The following LRRC4B variants were observed in gnomAD, a reference collection of about 807,000 sequenced individuals.
The protein encoded by LRRC4B is leucine rich repeat containing 4B.
Under a neutral mutation model 7.3 loss-of-function variants are expected in LRRC4B, and 1 was observed. The ratio of observed to expected loss-of-function variants is 0.14; its 90% CI spans 0.05 to 0.65. The LOEUF is 0.65. LRRC4B is among the 30% of genes least tolerant of loss of function. The pLI, the probability that LRRC4B is intolerant of heterozygous loss-of-function variation, is 0.84. For missense variants in LRRC4B, 730 were observed against 1,041.6 expected (o/e 0.70, Z 4.12); for synonymous variants, 500 against 499.2 (o/e 1.00, Z -0.02).
rs1446851806 is a variant in LRRC4B at position 50,518,561 on chromosome 19, T to C, written c.1152A>G (p.Lys384=). 2 of 1,590,354 alleles carry C rather than the reference T, an allele frequency of 1.3e-6. No homozygotes were observed. Among genetic ancestry groups the C allele is most frequent in the Admixed American group, 3.4e-5 (2 of 58,518 alleles). ...NVTEGMAAEL[K]CRTGTSMTSV... ...AGGTCATGGAGGTGCCCGTGCGGCA[T>C]TTGAGCTCGGCAGCCATGCCCTCGG... Residue 384 remains lysine (K), a synonymous_variant, in exon 3 of 3, where the codon AAA becomes AAG. Coordinates refer to ENST00000652263, the MANE Select transcript of LRRC4B (RefSeq NM_001080457.2).
Position 50,556,841 on chromosome 19 carries a change from C to G in LRRC4B, c.-35-7968G>C, listed in dbSNP as rs1982292533. On this transcript the variant is annotated intron_variant, in intron 1 of 2. Coordinates refer to ENST00000652263, the MANE Select transcript of LRRC4B (RefSeq NM_001080457.2). This position sits in a 1 kb window ranked among gnomAD's most constrained non-coding sequence, Gnocchi z 4.2. ...CAAGTGTGGGGGTGGGGGAGCCGTC[C>G]GAGGGCTAAGTGAGAGGGCGGGCAC... 6.7e-6 allele frequency among the ~76,000 whole-genome samples: 1 copy of G among 149,712 alleles called. No individual in the cohort carries two copies. Among genetic ancestry groups the G allele is most frequent in the Admixed American group, 6.7e-5 (1 of 15,000 alleles).
At chr19:50,523,176 C>T (rs529796912) in intron 2 of LRRC4B, among the ~76,000 whole-genome samples, 8 of 152,284 alleles carry the variant, frequency 5.3e-5, no homozygotes, top group Admixed American at 1.3e-4. Flanking sequence ...ATGACCACGC[C>T]GGGTGCACTG....
intron 2 of LRRC4B, among the ~76,000 whole-genome samples, chr19:50,531,167 C>T (rs1221823404): frequency 6.6e-6 from 1 of 152,204 alleles, no homozygotes; most frequent in East Asian, 1.9e-4. Flanking sequence ...GCCTGCAGCT[C>T]CCGGAGCCTC....
At chr19:50,525,578 G>GTT (rs1568718983) in intron 2 of LRRC4B, among the ~76,000 whole-genome samples, 1 of 127,662 alleles carries the variant, frequency 7.8e-6, no homozygotes, top group South Asian at 2.4e-4. Flanking sequence ...GCTAATTTTT[G>GTT]TATTTTTTTT....
intron 2 of LRRC4B, among the ~76,000 whole-genome samples, chr19:50,535,751 T>C (rs1981253365): frequency 6.6e-6 from 1 of 152,124 alleles, no homozygotes; most frequent in Non-Finnish European, 1.5e-5. Context: ...GGCCTAGACG[T>C]CCCTGTCTCC....
intron 2 of LRRC4B, among the ~76,000 whole-genome samples, chr19:50,530,376 G>A (rs17662474): frequency 0.14 from 21,377 of 152,150 alleles, 1,627 homozygotes; most frequent in South Asian, 0.16. Context: ...TCGGATACAC[G>A]TTAGCCAGGA....
rs759224937 is a variant in LRRC4B at position 50,518,804 on chromosome 19, G to A, written c.909C>T (p.Leu303=). The A allele has an allele frequency of 6.2e-7, 1 of 1,614,120 alleles. No individual in the cohort carries two copies. Among genetic ancestry groups the A allele is most frequent in the Admixed American group, 1.7e-5 (1 of 60,030 alleles). Residue 303 remains leucine, a synonymous_variant, in exon 3 of 3, where the codon CTC becomes CTT. Transcript: ENST00000652263. The part of the protein sequence containing the change: ...PHDLFTPLHR[L]ERVHLNHNPW... ...GGTTGTGGTTGAGGTGCACGCGCTC[G>A]AGGCGGTGCAGGGGCGTGAAGAGGT... is the stretch of plus-strand genomic sequence containing the variant.
intron 2 of LRRC4B, among the ~76,000 whole-genome samples, chr19:50,547,796 T>G (rs1981877884): frequency 6.6e-6 from 1 of 150,988 alleles, no homozygotes; most frequent in South Asian, 2.1e-4. Flanking sequence ...CACAGCTCTG[T>G]CCCCCCAAGC....
chr19:50,546,577 T>C lies in LRRC4B; in HGVS notation c.297+1965A>G, dbSNP rs533540881. On this transcript the variant is annotated intron_variant, in intron 2 of 2. Transcript: ENST00000652263. ...AGAAATAGAGGCGTCTGGATCCCTA[T>C]TGATGCTTTTCACCCTTTGACAATG... is the stretch of plus-strand genomic sequence containing the variant. Among the ~76,000 whole-genome samples, 6 of 152,104 alleles carry C rather than the reference T, an allele frequency of 3.9e-5. No homozygotes were observed. In the South Asian group the frequency reaches 8.3e-4, roughly 21 times the overall value.
intron 1 of LRRC4B, among the ~76,000 whole-genome samples, chr19:50,561,014 C>T (rs1982444797): frequency 6.6e-6 from 1 of 152,128 alleles, no homozygotes; most frequent in African/African-American, 2.4e-5. Context: ...TCGCTTGAAC[C>T]TGGGAGGTGG....
chr19:50,560,826 C>T (rs530856113), intron 1 of LRRC4B, among the ~76,000 whole-genome samples: 1 of 152,312 alleles, frequency 6.6e-6, no homozygotes, highest in South Asian at 2.1e-4. Flanking sequence ...CAGTGGCTCA[C>T]GCCTGTAATC....
Position 50,519,585 on chromosome 19 carries a change from C to T in LRRC4B, c.298-170G>A, listed in dbSNP as rs1980463365. ...TGATGAGTTTCTTATAAAGTTAAAA[C>T]TGGAGTCAAGGCTGGGTGTGGTGGC... On this transcript the variant is annotated intron_variant, in intron 2 of 2. Transcript: ENST00000652263. The surrounding 1 kb of genome is among the most constrained non-coding windows in gnomAD (Gnocchi z 8.1). Among the ~76,000 whole-genome samples, 2 of 152,126 alleles carry T rather than the reference C, an allele frequency of 1.3e-5. No homozygotes were observed. Among genetic ancestry groups the T allele is most frequent in the African/African-American group, 4.8e-5 (2 of 41,420 alleles).
rs1338800369 is a variant in LRRC4B at position 50,553,884 on chromosome 19, G to A, written c.-35-5011C>T. Among the ~76,000 whole-genome samples, 1 of 151,652 alleles carries A rather than the reference G, an allele frequency of 6.6e-6. No homozygotes were observed. The highest frequency in any genetic ancestry group is 2.4e-5 in the African/African-American group (1 of 41,232). On this transcript the variant is annotated intron_variant, in intron 1 of 2. Coordinates refer to ENST00000652263, the MANE Select transcript of LRRC4B (RefSeq NM_001080457.2). This position sits in a 1 kb window ranked among gnomAD's most constrained non-coding sequence, Gnocchi z 4.2. ...ACCCCCACTCTCCGTTCTGCACACC[G>A]AGCCAGGCCGCACTGCAATAGCTGC... is the stretch of plus-strand genomic sequence containing the variant.
In LRRC4B at chr19:50,563,018, G is replaced by A. The variant is rs1003355248; in HGVS notation, c.-36+4926C>T. Among the ~76,000 whole-genome samples the A allele has an allele frequency of 6.6e-6, 1 of 152,114 alleles. No homozygotes were observed. Among genetic ancestry groups the A allele is most frequent in the Non-Finnish European group, 1.5e-5 (1 of 68,020 alleles). On this transcript the variant is annotated intron_variant, in intron 1 of 2. Transcript: ENST00000652263. The surrounding 1 kb of genome is among the most constrained non-coding windows in gnomAD (Gnocchi z 4.9). ...GCCTCCCAAAGTGTTGAGACGGCGT[G>A]AGCCACCATGCCTGGCCTGTCTCTG...
chr19:50,520,940 G>T (rs1980552633), intron 2 of LRRC4B, among the ~76,000 whole-genome samples: 1 of 152,162 alleles, frequency 6.6e-6, no homozygotes, highest in African/African-American at 2.4e-5. Context: ...GCTTCTATGT[G>T]GGTGTTCACA....
intron 2 of LRRC4B, among the ~76,000 whole-genome samples, chr19:50,526,554 A>G (rs1244720681): frequency 2.0e-5 from 3 of 152,198 alleles, no homozygotes; most frequent in African/African-American, 7.2e-5. Context: ...TGAAAAGGAT[A>G]GACGAAGGAT....
In LRRC4B at chr19:50,548,870, G is replaced by C; in HGVS notation, c.-32C>G. The C allele has an allele frequency of 1.4e-6, 2 of 1,422,308 alleles. No individual in the cohort carries two copies. The highest frequency in any genetic ancestry group is 1.8e-6 in the Non-Finnish European group (2 of 1,083,528). The allele number at this position is 1,422,308 out of a possible 1,614,324, so 88.1% of individuals were successfully genotyped here. On this transcript the variant is annotated 5_prime_UTR_variant, in exon 2 of 3. Transcript: ENST00000652263. The surrounding 1 kb of genome is among the most constrained non-coding windows in gnomAD (Gnocchi z 6.8). ...TGTTCATGCTCCGCGTGGACGCTGG[G>C]GGGCTGTGGGTGGGGGAGAGAAGGG...
chr19:50,550,448 G>A (rs1323341940), intron 1 of LRRC4B, among the ~76,000 whole-genome samples: 1 of 74,126 alleles, frequency 1.3e-5, no homozygotes, highest in Non-Finnish European at 3.0e-5. Context: ...CCCTCTCACG[G>A]TGGACTCTCA....
At chr19:50,550,445 ACGG>A (rs1461096026) in intron 1 of LRRC4B, among the ~76,000 whole-genome samples, 3 of 74,168 alleles carry the variant, frequency 4.0e-5, no homozygotes, top group Non-Finnish European at 9.0e-5. Flanking sequence ...ACACCCTCTC[ACGG>A]TGGACTCTCA....
Sources: allele counts gnomAD v4.1 joint callset (sites outside exome capture counted in the v4.1 genomes callset), GRCh38; gene constraint gnomAD v4.1.1; non-coding constraint Gnocchi (gnomAD v3.1); transcripts MANE v1.5; gene names NCBI Gene and HGNC (gene_info 2026-07-23, HGNC 2026-07-21).